Variants in FMN2 observed in about 807,000 individuals in gnomAD.
FMN2 encodes the protein formin-2.
In FMN2, 51 loss-of-function variants were observed where a neutral mutation model predicts 142.3. The ratio of observed to expected loss-of-function variants is 0.36; its 90% CI spans 0.29 to 0.45. FMN2 has a LOEUF of 0.45. FMN2 is among the 20% of genes least tolerant of loss of function. FMN2 has a pLI of 1.00. For missense variants in FMN2, 1,936 were observed against 2,122.8 expected, an observed-to-expected ratio of 0.91 and a Z score of 1.73; for synonymous variants, 882 against 869.8, an observed-to-expected ratio of 1.01 and a Z score of -0.25.
At chr1:240,213,354 G>C (rs766340778) in intron 6 of FMN2, among the ~76,000 whole-genome samples, 1 of 152,086 alleles carries the variant, frequency 6.6e-6, no homozygotes, top group Admixed American at 6.5e-5. Context: ...CAACTCCTTG[G>C]CCTGGGTCTT....
At chr1:240,262,693 T>G (rs1572130330) in intron 7 of FMN2, among the ~76,000 whole-genome samples, 1 of 152,106 alleles carries the variant, frequency 6.6e-6, no homozygotes, top group Non-Finnish European at 1.5e-5. Context: ...CTGGGATGCT[T>G]TAAGAGTAGA....
chr1:240,428,803 A>G (rs1355070226), intron 15 of FMN2, among the ~76,000 whole-genome samples: 1 of 152,190 alleles, frequency 6.6e-6, no homozygotes, highest in African/African-American at 2.4e-5. Context: ...ATTGTTAACT[A>G]TTATTACTGT....
intron 1 of FMN2, among the ~76,000 whole-genome samples, chr1:240,095,386 TAC>T (rs59692947): frequency 4.4e-4 from 66 of 149,806 alleles, no homozygotes; most frequent in African/African-American, 9.3e-4. Context: ...TATATGTGCA[TAC>T]ACACACACAC....
At chr1:240,116,770 G>A (rs774632078) in intron 1 of FMN2, among the ~76,000 whole-genome samples, 7 of 151,494 alleles carry the variant, frequency 4.6e-5, no homozygotes, top group Non-Finnish European at 1.5e-5. Context: ...AAAAAAAAAT[G>A]GAAACAAAAA....
chr1:240,185,032 TC>T (rs66890903), intron 3 of FMN2, among the ~76,000 whole-genome samples: 2,803 of 32,782 alleles, frequency 0.086, 77 homozygotes, highest in African/African-American at 0.14. Flanking sequence ...TCCTATACCT[TC>T]CCCCTTCTCT....
At chr1:240,456,327 T>C (rs957858826) in intron 16 of FMN2, among the ~76,000 whole-genome samples, 1 of 152,216 alleles carries the variant, frequency 6.6e-6, no homozygotes, top group African/African-American at 2.4e-5. Flanking sequence ...TTCTATAGTG[T>C]GAGTGTTCAT....
chr1:240,441,958 A>AG (rs550455722), intron 16 of FMN2, among the ~76,000 whole-genome samples: 1 of 152,304 alleles, frequency 6.6e-6, no homozygotes, highest in East Asian at 1.9e-4. Context: ...AGAGAGAGAG[A>AG]GAGAAATTTT....
chr1:240,342,407 A>C (rs1558443049), intron 13 of FMN2, among the ~76,000 whole-genome samples: 1 of 152,186 alleles, frequency 6.6e-6, no homozygotes. Context: ...CGTCTCATGA[A>C]TGTGCTGTAG....
intron 3 of FMN2, chr1:240,179,447 T>C (rs16839584): frequency 0.22 from 34,069 of 152,024 alleles, 4,065 homozygotes; most frequent in African/African-American, 0.29. Flanking sequence ...TGAAACACTG[T>C]TTGATATTCA....
rs144665699 is a variant in FMN2 at position 240,345,763 on chromosome 1, G to A, written c.4766-10053G>A. Among the ~76,000 whole-genome samples the A allele has an allele frequency of 3.1e-4, 47 of 152,132 alleles. No homozygotes were observed. The East Asian group carries it at 4.7e-3, about 15-fold the overall frequency. On this transcript the variant is annotated intron_variant, in intron 13 of 17. Transcript: ENST00000319653. ...CTCCCAAAGTGCTGGGATTACAGGC[G>A]TGAGCCACCACACCTGGCTATGGCA...
At chr1:240,171,310 C>A in intron 2 of FMN2, 1 of 706,652 alleles carries the variant, frequency 1.4e-6, no homozygotes. Flanking sequence ...AAGAGAAAAC[C>A]AGCGTCCATC....
intron 8 of FMN2, among the ~76,000 whole-genome samples, chr1:240,327,700 T>G (rs918385239): frequency 1.3e-5 from 2 of 152,174 alleles, no homozygotes; most frequent in Non-Finnish European, 2.9e-5. Context: ...TCTTGAAGTC[T>G]ATAAAATCTC....
At chr1:240,270,510 C>G (rs910709184) in intron 7 of FMN2, among the ~76,000 whole-genome samples, 1 of 152,052 alleles carries the variant, frequency 6.6e-6, no homozygotes, top group Non-Finnish European at 1.5e-5. Flanking sequence ...AGTACTGCAA[C>G]AGCACCTCAT....
chr1:240,150,656 A>G (rs1354540523), intron 2 of FMN2, among the ~76,000 whole-genome samples: 1 of 152,128 alleles, frequency 6.6e-6, no homozygotes, highest in African/African-American at 2.4e-5. Context: ...CCCTCTAGTG[A>G]CCCGTTTAAT....
intron 8 of FMN2, among the ~76,000 whole-genome samples, chr1:240,316,935 G>A (rs1670802578): frequency 6.6e-6 from 1 of 152,058 alleles, no homozygotes. Context: ...CTGGGTGTGG[G>A]CATCATGTAC....
intron 15 of FMN2, among the ~76,000 whole-genome samples, chr1:240,418,722 G>GT: frequency 6.7e-6 from 1 of 149,264 alleles, no homozygotes; most frequent in African/African-American, 2.6e-5. Flanking sequence ...TGGATGTAGT[G>GT]TTCTATTTTA....
chr1:240,361,218 G>A (rs1311861059), intron 14 of FMN2, among the ~76,000 whole-genome samples: 12 of 136,944 alleles, frequency 8.8e-5, no homozygotes, highest in Admixed American at 8.4e-4. Flanking sequence ...AACACGACAC[G>A]AAGAAATGGA....
intron 2 of FMN2, among the ~76,000 whole-genome samples, chr1:240,136,836 G>A (rs186033946): frequency 1.3e-5 from 2 of 152,188 alleles, no homozygotes; most frequent in African/African-American, 2.4e-5. Flanking sequence ...ACTTTGGGAG[G>A]CCAAGGTGGG....
chr1:240,153,935 G>A (rs907970794), intron 2 of FMN2, among the ~76,000 whole-genome samples: 1 of 151,634 alleles, frequency 6.6e-6, no homozygotes, highest in Admixed American at 6.6e-5. Flanking sequence ...GGCCAACATG[G>A]CACAACCCTG....
Sources: allele counts gnomAD v4.1 joint callset (sites outside exome capture counted in the v4.1 genomes callset), GRCh38; gene constraint gnomAD v4.1.1; transcripts MANE v1.5; gene names NCBI Gene and HGNC (gene_info 2026-07-23, HGNC 2026-07-21).